The following MS4A13 variants were observed in gnomAD, a reference collection of about 807,000 sequenced individuals.
MS4A13 encodes membrane-spanning 4-domains subfamily A member 13.
In MS4A13, 21 loss-of-function variants were observed where a neutral mutation model predicts 18.4. The ratio of observed to expected loss-of-function variants is 1.14; its 90% CI spans 0.81 to 1.64. The LOEUF is 1.64. Among genes scored for constraint, MS4A13 ranks in the 40% most tolerant of loss-of-function variants. The probability of loss-of-function intolerance (pLI) is 0.00; values close to 1 mark genes in which losing one functional copy is unlikely to be tolerated. For missense variants in MS4A13, 173 were observed against 176.8 expected (o/e 0.98, Z 0.12); for synonymous variants, 62 against 57.2 (o/e 1.08, Z -0.38).
intron 5 of MS4A13, among the ~76,000 whole-genome samples, chr11:60,526,177 A>C (rs2086711986): frequency 1.3e-5 from 2 of 152,196 alleles, no homozygotes; most frequent in South Asian, 4.1e-4. Flanking sequence ...GAGGACAGTG[A>C]TACAATAATA....
chr11:60,535,522 G>A (rs2086801963), intron 6 of MS4A13, among the ~76,000 whole-genome samples: 1 of 129,566 alleles, frequency 7.7e-6, no homozygotes, highest in Non-Finnish European at 1.6e-5. Context: ...TGAAATTGTG[G>A]CAATAATCAA....
intron 6 of MS4A13, among the ~76,000 whole-genome samples, chr11:60,542,281 GAA>G (rs1019174170): frequency 4.1e-5 from 6 of 145,668 alleles, no homozygotes; most frequent in Non-Finnish European, 3.0e-5. Flanking sequence ...AGGAAAGAAA[GAA>G]AGAGAAAGAA....
chr11:60,542,951 T>C (rs548727459), downstream of MS4A13, among the ~76,000 whole-genome samples: 23 of 152,248 alleles, frequency 1.5e-4, no homozygotes, highest in South Asian at 4.8e-3. Flanking sequence ...AATACTTATG[T>C]CCATACAAGC....
chr11:60,543,268 A>G (rs1032115504), downstream of MS4A13, among the ~76,000 whole-genome samples: 3 of 152,162 alleles, frequency 2.0e-5, no homozygotes, highest in Non-Finnish European at 4.4e-5. Flanking sequence ...AATATGGAAT[A>G]TTACTTCAGA....
rs2135253513 is a variant in MS4A13, at chr11:60,523,926, A to G, written c.159A>G (p.Arg53=). The change falls in exon 4 of 7, where the codon AGA becomes AGG. Residue 53 remains arginine (R), a synonymous_variant. Transcript: ENST00000378186. ...FFIIAGVFLI[R]VTKYPTRSGI... ...TCATTGCAGGAGTCTTCCTAATAAG[A>G]GTAACAAAGTATCCGACTCGATCTG... The G allele has an allele frequency of 1.3e-6, 2 of 1,547,414 alleles. No homozygotes were observed. The highest frequency in any genetic ancestry group is 1.8e-6 in the Non-Finnish European group (2 of 1,119,706).
At chr11:60,530,247 G>T (rs749206831) in intron 6 of MS4A13, among the ~76,000 whole-genome samples, 41 of 152,188 alleles carry the variant, frequency 2.7e-4, no homozygotes, top group Admixed American at 9.2e-4. Context: ...CCATTAGGGA[G>T]TTTGCATTCC....
At chr11:60,520,859 G>A (rs2086669352) in intron 3 of MS4A13, among the ~76,000 whole-genome samples, 1 of 152,200 alleles carries the variant, frequency 6.6e-6, no homozygotes, top group African/African-American at 2.4e-5. Context: ...TTTCCCTTCT[G>A]CCCTGCCCTA....
intron 6 of MS4A13, among the ~76,000 whole-genome samples, chr11:60,539,120 C>A (rs2086835659): frequency 7.5e-6 from 1 of 132,654 alleles, no homozygotes; most frequent in African/African-American, 2.9e-5. Context: ...AGACCCTAAG[C>A]AGAAAACCAG....
chr11:60,538,966 A>G (rs1368879061), intron 6 of MS4A13, among the ~76,000 whole-genome samples: 2 of 132,994 alleles, frequency 1.5e-5, no homozygotes, highest in Admixed American at 1.6e-4. Flanking sequence ...CCTGTCAAAA[A>G]CCAGCAAAGA....
At chr11:60,524,939 C>T (rs1374441108) in intron 4 of MS4A13, among the ~76,000 whole-genome samples, 5 of 152,138 alleles carry the variant, frequency 3.3e-5, no homozygotes, top group African/African-American at 7.2e-5. Context: ...GGATTACAGG[C>T]GTGAGCCACT....
chr11:60,529,387 G>A lies in MS4A13; in HGVS notation c.329G>A (p.Arg110His), dbSNP rs767768724. Residue 110 changes from arginine to histidine, a missense_variant, in exon 6 of 7, where the codon CGT becomes CAT. Arg to His is a conservative substitution (Grantham distance 29). Transcript: ENST00000378186. ...TAGAAACTTGGGAGGGAAGTATCAC[G>A]TATTTTACTGTTCTTCTACGGTTTG... ...GQAKLGREVS[R>H]ILLFFYGLEF... The A allele has an allele frequency of 2.6e-5, 41 of 1,599,650 alleles. No individual in the cohort carries two copies. Among genetic ancestry groups the A allele is most frequent in the Admixed American group, 1.0e-4 (6 of 58,554 alleles).
intron 6 of MS4A13, among the ~76,000 whole-genome samples, chr11:60,539,937 A>C (rs79647846): frequency 0.034 from 5,152 of 152,320 alleles, 267 homozygotes; most frequent in African/African-American, 0.11. Context: ...CCTCATGAGA[A>C]ACACTAAAGG....
intron 3 of MS4A13, 69 bp from the exon 4 acceptor site, chr11:60,523,828 T>C: frequency 1.1e-6 from 1 of 893,862 alleles, no homozygotes; most frequent in Non-Finnish European, 1.8e-6. Flanking sequence ...TACAAGAGAG[T>C]TATTAAAAGT....
At chr11:60,525,066 T>C (rs2086704490) in intron 4 of MS4A13, 141 bp from the exon 5 acceptor site, 2 of 558,762 alleles carry the variant, frequency 3.6e-6, no homozygotes, top group Admixed American at 6.9e-5. Flanking sequence ...ATCAGAAAAA[T>C]ATTTTCTTAA....
At chr11:60,522,565 T>C (rs1314017407) in intron 3 of MS4A13, among the ~76,000 whole-genome samples, 5 of 152,098 alleles carry the variant, frequency 3.3e-5, no homozygotes, top group African/African-American at 7.2e-5. Context: ...AGACAGCAAT[T>C]AATCACTAGA....
intron 5 of MS4A13, among the ~76,000 whole-genome samples, chr11:60,528,710 T>C (rs1442187539): frequency 2.0e-5 from 3 of 152,158 alleles, no homozygotes; most frequent in Non-Finnish European, 4.4e-5. Flanking sequence ...AAAACCCACA[T>C]TTTCAGGATG....
intron 5 of MS4A13, among the ~76,000 whole-genome samples, chr11:60,528,544 AT>A (rs889878303): frequency 6.6e-6 from 1 of 152,210 alleles, no homozygotes. Flanking sequence ...CTATCATCTA[AT>A]TCCTACTACC....
intron 6 of MS4A13, among the ~76,000 whole-genome samples, chr11:60,540,113 T>C (rs921413100): frequency 2.6e-5 from 4 of 152,238 alleles, no homozygotes; most frequent in African/African-American, 7.2e-5. Flanking sequence ...ATTAATTGCA[T>C]TGGGCTCACC....
chr11:60,532,613 G>C (rs542168770), intron 6 of MS4A13, among the ~76,000 whole-genome samples: 95 of 152,192 alleles, frequency 6.2e-4, no homozygotes, highest in East Asian at 2.3e-3. Context: ...CCGCCATTGC[G>C]CAGGCTTGCT....
Sources: allele counts gnomAD v4.1 joint callset (sites outside exome capture counted in the v4.1 genomes callset), GRCh38; gene constraint gnomAD v4.1.1; transcripts MANE v1.5; gene names NCBI Gene and HGNC (gene_info 2026-07-23, HGNC 2026-07-21).